The following TRABD2B variants were observed in gnomAD, a reference collection of about 807,000 sequenced individuals.
The protein encoded by TRABD2B is TraB domain containing 2B.
Under a neutral mutation model 40.1 loss-of-function variants are expected in TRABD2B, and 14 were observed. The ratio of observed to expected loss-of-function variants is 0.35; its 90% CI spans 0.23 to 0.55. The LOEUF is 0.55. Among genes scored for constraint, TRABD2B ranks in the 20% least tolerant of loss-of-function variants. The pLI, the probability that TRABD2B is intolerant of heterozygous loss-of-function variation, is 0.90. For missense variants in TRABD2B, 541 were observed against 648.6 expected (o/e 0.83, Z 1.80); for synonymous variants, 263 against 277.0 (o/e 0.95, Z 0.50).
intron 6 of TRABD2B, among the ~76,000 whole-genome samples, chr1:47,770,509 A>T (rs1463257646): frequency 6.6e-6 from 1 of 152,186 alleles, no homozygotes; most frequent in Non-Finnish European, 1.5e-5. Flanking sequence ...GTTTTCTAAT[A>T]GCTTCATAGC....
intron 2 of TRABD2B, among the ~76,000 whole-genome samples, chr1:47,976,304 T>C (rs2148433032): frequency 6.6e-6 from 1 of 152,264 alleles, no homozygotes; most frequent in South Asian, 2.1e-4. Flanking sequence ...TGTAGAAAAA[T>C]CCAGGATCAA....
At chr1:47,864,583 A>C (rs1644027716) in intron 2 of TRABD2B, among the ~76,000 whole-genome samples, 1 of 152,152 alleles carries the variant, frequency 6.6e-6, no homozygotes, top group Admixed American at 6.5e-5. Context: ...CCTTTTCCAG[A>C]GTGATCTGAA....
chr1:47,865,030 G>C (rs529912997), intron 2 of TRABD2B, among the ~76,000 whole-genome samples: 2 of 151,012 alleles, frequency 1.3e-5, no homozygotes, highest in Admixed American at 1.3e-4. Flanking sequence ...TTGGGGTGGG[G>C]TGGGGTGGGG....
intron 2 of TRABD2B, among the ~76,000 whole-genome samples, chr1:47,941,030 C>G (rs959894232): frequency 2.0e-5 from 3 of 152,166 alleles, no homozygotes; most frequent in Admixed American, 6.5e-5. Flanking sequence ...TGTCTCTGTC[C>G]CAAAACATCT....
At chr1:47,923,130 C>T (rs1315151082) in intron 2 of TRABD2B, among the ~76,000 whole-genome samples, 1 of 152,240 alleles carries the variant, frequency 6.6e-6, no homozygotes, top group Non-Finnish European at 1.5e-5. Flanking sequence ...CCTTCCCCTG[C>T]CCAACCTGCT....
intron 2 of TRABD2B, among the ~76,000 whole-genome samples, chr1:47,837,178 G>A (rs759820559): frequency 2.2e-4 from 33 of 152,202 alleles, no homozygotes; most frequent in Non-Finnish European, 3.8e-4. Flanking sequence ...AACAGTTGCT[G>A]GTGGGATCCA....
chr1:47,872,029 T>C (rs1644148887), intron 2 of TRABD2B, among the ~76,000 whole-genome samples: 1 of 152,206 alleles, frequency 6.6e-6, no homozygotes, highest in Admixed American at 6.5e-5. Context: ...TAATGAGCCA[T>C]TGAACTCTGG....
At chr1:47,827,544 C>T (rs1397006068) in intron 2 of TRABD2B, among the ~76,000 whole-genome samples, 1 of 152,188 alleles carries the variant, frequency 6.6e-6, no homozygotes, top group Non-Finnish European at 1.5e-5. Context: ...ATTCACAGCA[C>T]CTGACTTGTC....
intron 6 of TRABD2B, among the ~76,000 whole-genome samples, chr1:47,766,979 T>A (rs537791303): frequency 6.6e-6 from 1 of 152,070 alleles, no homozygotes; most frequent in Non-Finnish European, 1.5e-5. Flanking sequence ...ACGGTGGCCT[T>A]GGGAAGCTGG....
At chr1:47,774,872 G>C (rs1162015149) in intron 6 of TRABD2B, among the ~76,000 whole-genome samples, 1 of 152,210 alleles carries the variant, frequency 6.6e-6, no homozygotes, top group African/African-American at 2.4e-5. Context: ...ATGGCGCCCT[G>C]TTTGTACAGG....
At chr1:47,838,849 C>G (rs148810140) in intron 2 of TRABD2B, among the ~76,000 whole-genome samples, 11 of 152,254 alleles carry the variant, frequency 7.2e-5, no homozygotes, top group African/African-American at 2.4e-4. Context: ...AATGAGCAGT[C>G]CAATCAGAGG....
At chr1:47,866,077 G>A (rs1292494002) in intron 2 of TRABD2B, among the ~76,000 whole-genome samples, 2 of 152,054 alleles carry the variant, frequency 1.3e-5, no homozygotes, top group Non-Finnish European at 2.9e-5. Flanking sequence ...AGGCCAAAGA[G>A]CGCATTTGCA....
chr1:47,907,039 G>A (rs1570260400), intron 2 of TRABD2B, among the ~76,000 whole-genome samples: 2 of 152,198 alleles, frequency 1.3e-5, no homozygotes, highest in African/African-American at 4.8e-5. Context: ...CAGCCCGTGC[G>A]AGCACCAGCC....
intron 2 of TRABD2B, among the ~76,000 whole-genome samples, chr1:47,991,206 A>G (rs1646006274): frequency 1.3e-5 from 2 of 152,274 alleles, no homozygotes; most frequent in East Asian, 1.9e-4. Flanking sequence ...TGGGCAAGTC[A>G]TTCAACATTT....
intron 2 of TRABD2B, among the ~76,000 whole-genome samples, chr1:47,961,749 T>G (rs1293927618): frequency 6.6e-6 from 1 of 152,122 alleles, no homozygotes; most frequent in African/African-American, 2.4e-5. Flanking sequence ...ATAGGAACAC[T>G]TTTACACTGT....
At chr1:47,929,331 C>T (rs1423520545) in intron 2 of TRABD2B, among the ~76,000 whole-genome samples, 1 of 152,170 alleles carries the variant, frequency 6.6e-6, no homozygotes, top group African/African-American at 2.4e-5. Flanking sequence ...TCCTTGAATC[C>T]CCTGCTATTT....
intron 2 of TRABD2B, among the ~76,000 whole-genome samples, chr1:47,933,965 T>A (rs1209939373): frequency 6.6e-6 from 1 of 152,190 alleles, no homozygotes; most frequent in Non-Finnish European, 1.5e-5. Flanking sequence ...TTTAATTTAG[T>A]TTAGGTTTAA....
chr1:47,831,609 TAA>T (rs1408959126), intron 2 of TRABD2B, among the ~76,000 whole-genome samples: 16 of 152,062 alleles, frequency 1.1e-4, no homozygotes, highest in Non-Finnish European at 2.2e-4. Flanking sequence ...CCTCTCTTTA[TAA>T]AGAGAGGAGA....
chr1:47,978,592 T>C (rs550107610), intron 2 of TRABD2B, among the ~76,000 whole-genome samples: 4 of 152,262 alleles, frequency 2.6e-5, no homozygotes, highest in Admixed American at 6.5e-5. Context: ...ACACAGAGAA[T>C]CTCACTTTGT....
Sources: gnomAD v4.1 joint callset for allele counts (sites outside exome capture counted in the v4.1 genomes callset) on GRCh38, gnomAD v4.1.1 for gene constraint, MANE v1.5 for transcripts, NCBI Gene and HGNC (gene_info 2026-07-23, HGNC 2026-07-21) for gene names.